Variants in NFIA observed in about 807,000 individuals in gnomAD.
The protein encoded by NFIA is nuclear factor I A.
In NFIA, 8 loss-of-function variants were observed where a neutral mutation model predicts 62.8. The observed-to-expected ratio is 0.13, with a 90% confidence interval of 0.07 to 0.23. The LOEUF (loss-of-function observed/expected upper bound fraction) is 0.23, where lower values mean the gene tolerates loss of function less well. Ranked by LOEUF, NFIA falls within the 10% of genes least tolerant of loss-of-function variation. The pLI is 1.00. For synonymous variants in NFIA, 235 were observed against 238.1 expected, an observed-to-expected ratio of 0.99 and a Z score of 0.12; for missense variants, 410 against 642.1, an observed-to-expected ratio of 0.64 and a Z score of 3.91.
At chr1:61,393,244 C>CTCTCTCT (rs1665079310) in intron 7 of NFIA, among the ~76,000 whole-genome samples, 5 of 29,102 alleles carry the variant, frequency 1.7e-4, no homozygotes, top group Non-Finnish European at 2.2e-4. Flanking sequence ...TCGCCCTCTC[C>CTCTCTCT]CTCTCTCTCT....
At chr1:61,217,044 CTT>C (rs140191299) in intron 2 of NFIA, among the ~76,000 whole-genome samples, 1 of 146,728 alleles carries the variant, frequency 6.8e-6, no homozygotes, top group Admixed American at 6.8e-5. Flanking sequence ...ATTGATTAAA[CTT>C]TTTTTTTTCT....
intron 4 of NFIA, among the ~76,000 whole-genome samples, chr1:61,346,285 A>G (rs6699597): frequency 0.45 from 68,542 of 152,018 alleles, 16,703 homozygotes; most frequent in African/African-American, 0.64. Flanking sequence ...ATTGGCAGCG[A>G]CTGCATCGTT....
chr1:61,340,244 T>C (rs1661827370), intron 4 of NFIA, among the ~76,000 whole-genome samples: 1 of 152,240 alleles, frequency 6.6e-6, no homozygotes, highest in Non-Finnish European at 1.5e-5. Context: ...TGTCATGGTC[T>C]CTATTCGTAT....
chr1:61,208,529 G>A (rs1182178453), intron 2 of NFIA, among the ~76,000 whole-genome samples: 4 of 152,166 alleles, frequency 2.6e-5, no homozygotes, highest in Non-Finnish European at 5.9e-5. Flanking sequence ...TAGAAGCCCT[G>A]TCTTTGGAGT....
chr1:61,330,444 CA>C (rs34204709), intron 3 of NFIA, among the ~76,000 whole-genome samples: 68,293 of 120,500 alleles, frequency 0.57, 20,322 homozygotes, highest in South Asian at 0.77. Context: ...ACACCCCCCC[CA>C]CACACACACA....
At chr1:61,139,408 C>T (rs908216279) in intron 2 of NFIA, among the ~76,000 whole-genome samples, 36 of 152,102 alleles carry the variant, frequency 2.4e-4, no homozygotes, top group African/African-American at 7.7e-4. Context: ...CTGGTGCAGC[C>T]GAGCAAATGG....
rs1411735120 is a variant in NFIA, at chr1:61,455,299, C to T, written c.1513-4C>T. On this transcript the variant is annotated splice_region_variant and splice_polypyrimidine_tract_variant and intron_variant, in intron 10 of 10. Transcript: ENST00000403491. ...TTAATTGTATTTTTCCTTTTGTCTT[C>T]CAGTCCTGGTACCTGGGATAAAAGT... 2 of 1,613,802 alleles carry T rather than the reference C, an allele frequency of 1.2e-6. No individual in the cohort carries two copies. Among genetic ancestry groups the T allele is most frequent in the Non-Finnish European group, 1.7e-6 (2 of 1,179,916 alleles).
At chr1:61,438,887 T>G (rs1428915178) in intron 10 of NFIA, among the ~76,000 whole-genome samples, 1 of 151,984 alleles carries the variant, frequency 6.6e-6, no homozygotes, top group Non-Finnish European at 1.5e-5. Flanking sequence ...TTGGTATGAG[T>G]GACTGAAATA....
At position 61,374,011 on chromosome 1, in the gene NFIA, A is replaced by G. The variant is rs151042155; in HGVS notation, c.947-9226A>G. Reference sequence around the variant, plus strand: ...CACATATGGCTACTAAGCCCTTGCAATGTGGCTATGCTGAGCAACTTAATT... The same window carrying G: ...CACATATGGCTACTAAGCCCTTGCAGTGTGGCTATGCTGAGCAACTTAATT... On this transcript the variant is annotated intron_variant, in intron 6 of 10. Coordinates refer to ENST00000403491, the MANE Select transcript of NFIA (RefSeq NM_001134673.4). Among the ~76,000 whole-genome samples, 528 of 152,288 alleles carry G rather than the reference A, an allele frequency of 3.5e-3. 10 individuals are homozygous for G. The East Asian group carries it at 0.042, about 12-fold the overall frequency.
At chr1:61,396,652 T>G (rs531235316) in intron 7 of NFIA, among the ~76,000 whole-genome samples, 14 of 152,122 alleles carry the variant, frequency 9.2e-5, no homozygotes, top group Non-Finnish European at 2.1e-4. Flanking sequence ...TTCCACTGTT[T>G]CCATGTTTTG....
chr1:61,381,526 T>A, intron 6 of NFIA, among the ~76,000 whole-genome samples: 1 of 152,208 alleles, frequency 6.6e-6, no homozygotes, highest in East Asian at 1.9e-4. Flanking sequence ...AGAAAGGATC[T>A]GATTCAAATT....
chr1:61,329,898 TCC>T (rs991894865), intron 3 of NFIA, among the ~76,000 whole-genome samples: 14 of 152,142 alleles, frequency 9.2e-5, no homozygotes, highest in Admixed American at 9.2e-4. Context: ...TAGGAGGCTT[TCC>T]CACCATGCTG....
intron 6 of NFIA, among the ~76,000 whole-genome samples, chr1:61,362,302 T>A (rs1205740837): frequency 1.3e-5 from 2 of 152,042 alleles, no homozygotes; most frequent in African/African-American, 4.8e-5. Flanking sequence ...ATGTTGGGAG[T>A]TATGTATATC....
chr1:61,293,030 G>C (rs193154661), intron 3 of NFIA, among the ~76,000 whole-genome samples: 3 of 152,250 alleles, frequency 2.0e-5, no homozygotes, highest in Non-Finnish European at 4.4e-5. Context: ...GCTGGCTTTG[G>C]TGAAGTTGTA....
chr1:61,260,650 G>A (rs959532042), intron 2 of NFIA, among the ~76,000 whole-genome samples: 2 of 152,026 alleles, frequency 1.3e-5, no homozygotes, highest in South Asian at 2.1e-4. Context: ...GCCTGATCTC[G>A]GCTCACTGCA....
rs150187677 is a variant in NFIA, at chr1:61,228,875, T to C, written c.560-48645T>C. On this transcript the variant is annotated intron_variant, in intron 2 of 10. Transcript: ENST00000403491. ...TTATCTCCTCATTTATTCTGAGATA[T>C]AAATTTTTCTTTTGAAAACATTTGA... 1.6e-3 allele frequency among the ~76,000 whole-genome samples: 250 copies of C among 152,312 alleles called. 1 individual carries two copies. The highest frequency in any genetic ancestry group is 5.7e-3 in the African/African-American group (235 of 41,566).
intron 7 of NFIA, among the ~76,000 whole-genome samples, chr1:61,390,260 A>G (rs564507441): frequency 1.3e-5 from 2 of 152,364 alleles, no homozygotes; most frequent in East Asian, 3.9e-4. Flanking sequence ...ATGCTCTTAG[A>G]TAACTAAGTA....
chr1:61,175,098 T>G (rs1309905942), intron 2 of NFIA, among the ~76,000 whole-genome samples: 1 of 150,846 alleles, frequency 6.6e-6, no homozygotes, highest in East Asian at 1.9e-4. Context: ...AAAGCATTAT[T>G]CAGCATTGAC....
chr1:61,412,996 G>C (rs1666171916), intron 9 of NFIA, among the ~76,000 whole-genome samples: 1 of 151,736 alleles, frequency 6.6e-6, no homozygotes. Flanking sequence ...AGATATAATA[G>C]AAAGAGAAAA....
Sources: allele counts gnomAD v4.1 joint callset (sites outside exome capture counted in the v4.1 genomes callset), GRCh38; gene constraint gnomAD v4.1.1; transcripts MANE v1.5; gene names NCBI Gene and HGNC (gene_info 2026-07-23, HGNC 2026-07-21).